UPB1: variants seen among roughly 807,000 people sequenced by gnomAD.
UPB1 encodes the protein beta-ureidopropionase.
In UPB1, 40 loss-of-function variants were observed where a neutral mutation model predicts 49.1. The ratio of observed to expected loss-of-function variants is 0.81; its 90% confidence interval spans 0.63 to 1.06. The LOEUF (loss-of-function observed/expected upper bound fraction) is 1.06. Among genes scored for constraint, UPB1 ranks in the 50% least tolerant of loss-of-function variants. The pLI is 0.00. For missense variants in UPB1, 499 were observed against 505.9 expected, an observed-to-expected ratio of 0.99 and a Z score of 0.13; for synonymous variants, 207 against 198.2, an observed-to-expected ratio of 1.04 and a Z score of -0.38.
At position 24,513,427 on chromosome 22, in the gene UPB1, G is replaced by T; in HGVS notation, c.563G>T (p.Gly188Val). The T allele has an allele frequency of 1.2e-6, 2 of 1,614,156 alleles. No individual in the cohort carries two copies. The highest frequency in any genetic ancestry group is 1.6e-4 in the Middle Eastern group (1 of 6,062). Residue 188 changes from glycine to valine, a missense_variant, in exon 5 of 10, where the codon GGA (glycine) becomes GTA (valine). Physicochemically the swap from Gly to Val is moderately radical, Grantham distance 109 (BLOSUM62 -3). Transcript: ENST00000326010. Reference protein sequence around the residue: ...WNTAVVISNSGAVLGKTRKNH... With the variant: ...WNTAVVISNSVAVLGKTRKNH... ...ACAGCCGTGGTGATCTCCAATTCCG[G>T]AGCAGTCCTGGGAAAGACCAGGAAA...
intron 1 of UPB1, among the ~76,000 whole-genome samples, chr22:24,498,927 T>G (rs1830269156): frequency 1.3e-5 from 2 of 152,206 alleles, no homozygotes; most frequent in South Asian, 4.1e-4. Flanking sequence ...GCGTGATTTA[T>G]GTCCACCAGA....
chr22:24,500,398 G>A, intron 2 of UPB1, 120 bp downstream of exon 2: 2 of 1,359,278 alleles, frequency 1.5e-6, no homozygotes, highest in Non-Finnish European at 2.0e-6. Context: ...GCCTCAAGCA[G>A]TAGCAGAGGC....
chr22:24,503,933 G>A (rs901310432), intron 3 of UPB1, among the ~76,000 whole-genome samples: 1 of 152,220 alleles, frequency 6.6e-6, no homozygotes, highest in Non-Finnish European at 1.5e-5. Flanking sequence ...TTTTCCTTGG[G>A]ATACCGGTGG....
rs1346594771 is a variant in UPB1, at chr22:24,520,377, T to A, written c.792-10T>A. ...TCGGCAACCTGGTTCCTCTTGGTCC[T>A]CTCTTACAGCGAGTCCCTGTGGCCC... On this transcript the variant is annotated splice_polypyrimidine_tract_variant and intron_variant, in intron 6 of 9. Coordinates refer to ENST00000326010, the MANE Select transcript of UPB1 (RefSeq NM_016327.3). 1 of 1,614,050 alleles carries A rather than the reference T, an allele frequency of 6.2e-7. No homozygotes were observed. Among genetic ancestry groups the A allele is most frequent in the South Asian group, 1.1e-5 (1 of 91,042 alleles).
At position 24,526,199 on chromosome 22, in the gene UPB1, C is replaced by T. The variant is rs913612032; in HGVS notation, c.*405C>T. 2.5e-5 allele frequency: 8 copies of T among 316,362 alleles called. No individual in the cohort carries two copies. The Admixed American group carries it at 3.6e-4, about 14-fold the overall frequency. The allele number at this position is 316,362 out of a possible 1,614,324, so 19.6% of individuals were successfully genotyped here. A position where few individuals can be genotyped will look rare whatever the true frequency, so the allele number is the denominator to read the frequency against. ...GGCTGATCCAGAGACCCTGAGCCTA[C>T]AGCAAGGCTGTGGTGGGTCGGATGG... is the stretch of plus-strand genomic sequence containing the variant. On this transcript the variant is annotated 3_prime_UTR_variant, in exon 10 of 10. Coordinates refer to ENST00000326010, the MANE Select transcript of UPB1 (RefSeq NM_016327.3).
chr22:24,498,906 C>A (rs1286740668), intron 1 of UPB1, among the ~76,000 whole-genome samples: 1 of 152,178 alleles, frequency 6.6e-6, no homozygotes, highest in East Asian at 1.9e-4. Context: ...ACACCCATAT[C>A]CTGGAAAGCT....
intron 5 of UPB1, among the ~76,000 whole-genome samples, chr22:24,514,792 G>A (rs1453560211): frequency 6.6e-6 from 1 of 152,206 alleles, no homozygotes; most frequent in African/African-American, 2.4e-5. Flanking sequence ...TTGCTTGGAT[G>A]TGCTCCAGGT....
Position 24,510,801 on chromosome 22 carries a change from T to A in UPB1, c.417T>A (p.Ala139=), listed in dbSNP as rs1186913481. The A allele has an allele frequency of 1.2e-6, 2 of 1,614,190 alleles. No homozygotes were observed. Among genetic ancestry groups the A allele is most frequent in the Admixed American group, 3.3e-5 (2 of 60,022 alleles). The change falls in exon 4 of 10, where the codon GCT becomes GCA. Residue 139 remains alanine, a synonymous_variant. Coordinates refer to ENST00000326010, the MANE Select transcript of UPB1 (RefSeq NM_016327.3). ...AGAAGCTTCCTTGGACAGAATTTGCTGAGTCAGCAGAGGATGGGCCCACCA... is the reference window on the plus strand; with the variant it reads ...AGAAGCTTCCTTGGACAGAATTTGCAGAGTCAGCAGAGGATGGGCCCACCA... ...TREKLPWTEF[A]ESAEDGPTTR...
intron 3 of UPB1, among the ~76,000 whole-genome samples, chr22:24,509,945 A>G (rs1362646779): frequency 6.6e-6 from 1 of 151,718 alleles, no homozygotes; most frequent in African/African-American, 2.4e-5. Flanking sequence ...GAATTTGACT[A>G]CTCTAGGCTG....
At position 24,515,323 on chromosome 22, in the gene UPB1, C is replaced by T. The variant is rs898820305; in HGVS notation, c.744C>T (p.Asn248=). The T allele has an allele frequency of 1.1e-5, 18 of 1,614,024 alleles. No individual in the cohort carries two copies. In the African/African-American group the frequency reaches 1.3e-4, roughly 12 times the overall value. The change falls in exon 6 of 10, where the codon AAC becomes AAT. Residue 248 remains asparagine (N), a synonymous_variant. Coordinates refer to ENST00000326010, the MANE Select transcript of UPB1 (RefSeq NM_016327.3). ...HPLNWLMYSI[N]GAEIIFNPSA... ...TCAACTGGCTTATGTACAGCATCAACGGGGCTGAGATCATCTTCAACCCCT... is the reference window on the plus strand; with the variant it reads ...TCAACTGGCTTATGTACAGCATCAATGGGGCTGAGATCATCTTCAACCCCT...
At chr22:24,499,584 G>A (rs2043953697) in intron 1 of UPB1, among the ~76,000 whole-genome samples, 2 of 152,050 alleles carry the variant, frequency 1.3e-5, no homozygotes, top group South Asian at 4.1e-4. Flanking sequence ...GGAGCAGCAG[G>A]ACAGAGTGGC....
intron 3 of UPB1, among the ~76,000 whole-genome samples, chr22:24,504,972 C>T (rs1229296145): frequency 5.4e-5 from 8 of 147,444 alleles, no homozygotes; most frequent in Non-Finnish European, 1.2e-4. Flanking sequence ...AATTCCTGGG[C>T]CCAAGCAATT....
intron 1 of UPB1, among the ~76,000 whole-genome samples, chr22:24,496,277 G>A (rs1044109522): frequency 2.0e-5 from 3 of 151,898 alleles, no homozygotes; most frequent in Admixed American, 1.3e-4. Flanking sequence ...AGGCTGAGGC[G>A]GGAGGATCAC....
intron 7 of UPB1, among the ~76,000 whole-genome samples, chr22:24,521,303 G>A (rs1438543392): frequency 6.6e-6 from 1 of 151,572 alleles, no homozygotes; most frequent in African/African-American, 2.4e-5. Flanking sequence ...CCAACATGGA[G>A]AAATCCTGTC....
At chr22:24,514,592 G>T (rs932217394) in intron 5 of UPB1, among the ~76,000 whole-genome samples, 1 of 152,208 alleles carries the variant, frequency 6.6e-6, no homozygotes, top group Non-Finnish European at 1.5e-5. Flanking sequence ...GCACCCTTAG[G>T]AGCAGACAGA....
chr22:24,522,195 C>T lies in UPB1; in HGVS notation c.916+167C>T, dbSNP rs368770106. Among the ~76,000 whole-genome samples the T allele has an allele frequency of 7.9e-5, 12 of 152,192 alleles. No individual in the cohort carries two copies. In the South Asian group the frequency reaches 1.5e-3, roughly 18 times the overall value. On this transcript the variant is annotated intron_variant, in intron 8 of 9. Transcript: ENST00000326010. The stretch of plus-strand genomic sequence containing the variant: ...GCTTTATTGCCTGCAGTGTGGGAAT[C>T]GGGCTGTGGCTGGGGTGTGGATAGG...
intron 6 of UPB1, among the ~76,000 whole-genome samples, chr22:24,516,284 C>CTG (rs2044291964): frequency 1.3e-5 from 2 of 152,082 alleles, no homozygotes; most frequent in African/African-American, 4.8e-5. Flanking sequence ...CAAGGCAGGG[C>CTG]TGGGGGATGA....
rs928318591 is a variant in UPB1 at position 24,521,656 on chromosome 22, A to G, written c.874-330A>G. Among the ~76,000 whole-genome samples, 12 of 152,184 alleles carry G rather than the reference A, an allele frequency of 7.9e-5. No individual in the cohort carries two copies. The South Asian group carries it at 2.3e-3, about 29-fold the overall frequency. The stretch of plus-strand genomic sequence containing the variant: ...CCGGCCTGGGGTTTTAATTACTTCA[A>G]GCAGGCCAGCCTCAGGTGCCCACAG... On this transcript the variant is annotated intron_variant, in intron 7 of 9. Coordinates refer to ENST00000326010, the MANE Select transcript of UPB1 (RefSeq NM_016327.3).
intron 7 of UPB1, among the ~76,000 whole-genome samples, chr22:24,521,179 CAAAAAAA>C (rs34276962): frequency 4.8e-5 from 3 of 62,680 alleles, no homozygotes; most frequent in African/African-American, 1.9e-4. Context: ...GAGACTCTGT[CAAAAAAA>C]AAAAAAAAAA....
Sources: allele counts gnomAD v4.1 joint callset (sites outside exome capture counted in the v4.1 genomes callset), GRCh38; gene constraint gnomAD v4.1.1; transcripts MANE v1.5; gene names NCBI Gene and HGNC (gene_info 2026-07-23, HGNC 2026-07-21).